RNH1: variants seen among roughly 807,000 people sequenced by gnomAD.
The protein encoded by RNH1 is ribonuclease inhibitor.
Under a neutral mutation model 46.1 loss-of-function variants are expected in RNH1, and 38 were observed. That is an observed-to-expected ratio of 0.82 (90% CI 0.64 to 1.08). The LOEUF (loss-of-function observed/expected upper bound fraction) is 1.08, where lower values mean the gene tolerates loss of function less well. RNH1 is among the 50% of genes least tolerant of loss of function. The pLI, the probability that RNH1 is intolerant of heterozygous loss-of-function variation, is 0.00. For missense variants in RNH1, 577 were observed against 590.7 expected (o/e 0.98, Z 0.24); for synonymous variants, 319 against 279.1 (o/e 1.14, Z -1.43).
intron 9 of RNH1, among the ~76,000 whole-genome samples, chr11:496,084 C>T (rs1049872976): frequency 6.6e-6 from 1 of 151,956 alleles, no homozygotes; most frequent in Non-Finnish European, 1.5e-5. Flanking sequence ...AAAAAAGAAA[C>T]ATAAGAAAGG....
rs1345830312 is a variant in RNH1, at chr11:502,039, G to A, written c.101+23C>T. 1 of 1,592,184 alleles carries A rather than the reference G, an allele frequency of 6.3e-7. No individual in the cohort carries two copies. The highest frequency in any genetic ancestry group is 8.6e-7 in the Non-Finnish European group (1 of 1,167,506). ...CCAGCCTGCCCCACCAGCACCCCAA[G>A]GCCACCCCGAGAGCAAGCGTACCTG... On this transcript the variant is annotated intron_variant, in intron 3 of 10. Coordinates refer to ENST00000354420, the MANE Select transcript of RNH1 (RefSeq NM_203387.3). This position sits in a 1 kb window ranked among gnomAD's most constrained non-coding sequence, Gnocchi z 5.8.
chr11:495,394 C>G (rs1383919188), intron 9 of RNH1, among the ~76,000 whole-genome samples: 2 of 152,174 alleles, frequency 1.3e-5, no homozygotes, highest in African/African-American at 4.8e-5. Flanking sequence ...AAAGGAGAAG[C>G]CAGCCAGAGA....
intron 4 of RNH1, 199 bp from the exon 5 acceptor site, chr11:500,198 G>C (rs992368187): frequency 2.9e-6 from 2 of 688,092 alleles, no homozygotes; most frequent in Non-Finnish European, 4.8e-6. Context: ...GGGAAACCTT[G>C]TCTGCAGACA....
chr11:499,248 G>C (rs900738914), intron 5 of RNH1, 63 bp from the exon 6 acceptor site: 1 of 1,568,286 alleles, frequency 6.4e-7, no homozygotes, highest in East Asian at 2.2e-5. Flanking sequence ...GTGATACCAG[G>C]GAGCACGGGG....
chr11:498,589 T>C lies in RNH1; in HGVS notation c.824A>G (p.Asp275Gly). The C allele has an allele frequency of 1.9e-6, 3 of 1,612,722 alleles. No individual in the cohort carries two copies. Among genetic ancestry groups the C allele is most frequent in the Non-Finnish European group, 2.5e-6 (3 of 1,179,964 alleles). ...ECGITAKGCGDLCRVLRAKES... is the reference protein window; with the variant it reads ...ECGITAKGCGGLCRVLRAKES... Reference sequence around the variant, plus strand: ...CTTGGCCCTGAGGACACGGCACAGATCCCCGCAGCCCTTGGCAGTGATGCC... The same window carrying C: ...CTTGGCCCTGAGGACACGGCACAGACCCCCGCAGCCCTTGGCAGTGATGCC... The change falls in exon 8 of 11, where the codon GAT becomes GGT. Residue 275 changes from aspartate to glycine, a missense_variant. Physicochemically the swap from Asp to Gly is moderately conservative, Grantham distance 94. Coordinates refer to ENST00000354420, the MANE Select transcript of RNH1 (RefSeq NM_203387.3).
At position 502,856 on chromosome 11, in the gene RNH1, G is replaced by A. The variant is rs1216575462; in HGVS notation, c.-87-607C>T. The A allele has an allele frequency of 6.5e-6, 1 of 152,704 alleles. No individual in the cohort carries two copies. Among genetic ancestry groups the A allele is most frequent in the Non-Finnish European group, 1.5e-5 (1 of 68,412 alleles). 9.5% of individuals were successfully genotyped at this position (152,704 alleles called of 1,614,324 possible). Reference sequence around the variant, plus strand: ...CCACGGCACACTAGCCCAGAGGCTGGGCTACCAGGCAAGCTGGGTGGGTCA... The same window carrying A: ...CCACGGCACACTAGCCCAGAGGCTGAGCTACCAGGCAAGCTGGGTGGGTCA... On this transcript the variant is annotated intron_variant, in intron 2 of 10. Coordinates refer to ENST00000354420, the MANE Select transcript of RNH1 (RefSeq NM_203387.3). The surrounding 1 kb of genome is among the most constrained non-coding windows in gnomAD (Gnocchi z 5.8).
At chr11:496,716 C>G (rs1424691700) in intron 9 of RNH1, among the ~76,000 whole-genome samples, 1 of 152,234 alleles carries the variant, frequency 6.6e-6, no homozygotes, top group Non-Finnish European at 1.5e-5. Context: ...GCATGCTATA[C>G]CCGGCTAAAT....
rs1303670322 is a variant in RNH1, at chr11:500,244, G to T, written c.272+240C>A. 9.0e-6 allele frequency: 6 copies of T among 666,448 alleles called. No individual in the cohort carries two copies. In the South Asian group the frequency reaches 9.7e-5, roughly 11 times the overall value. The allele number at this position is 666,448 out of a possible 1,614,324, so 41.3% of individuals were successfully genotyped here. ...TGGGGGTCTGTGGTGATGCTGGAAG[G>T]CTAGGGATGGCGGGCAGGGCCAGAT... On this transcript the variant is annotated intron_variant, in intron 4 of 10. Transcript: ENST00000354420.
In RNH1 at chr11:497,841, C is replaced by A. The variant is rs1298627933; in HGVS notation, c.1127+130G>T. 2.6e-6 allele frequency: 3 copies of A among 1,153,600 alleles called. No individual in the cohort carries two copies. The African/African-American group carries it at 4.6e-5, about 18-fold the overall frequency. 71.5% of individuals were successfully genotyped at this position (1,153,600 alleles called of 1,614,324 possible). ...TGCTCACACACGTGCTCACACTCGC[C>A]TCACCCATGTGTGCTCACATACACA... On this transcript the variant is annotated intron_variant, in intron 9 of 10. Coordinates refer to ENST00000354420, the MANE Select transcript of RNH1 (RefSeq NM_203387.3).
rs768709333 is a variant in RNH1, at chr11:498,464, A to T, written c.949T>A (p.Ser317Thr). Reference protein sequence around the residue: ...TLLEPGCQLESLWVKSCSFTA... With the variant: ...TLLEPGCQLETLWVKSCSFTA... ...CCCGACAGCCACACTCACCACAGCG[A>T]CTCCAGCTGGCAGCCAGGTTCCAGC... Residue 317 changes from serine to threonine, a missense_variant, in exon 8 of 11, where the codon TCG becomes ACG. Physicochemically the swap from Ser to Thr is moderately conservative, Grantham distance 58 (BLOSUM62 1). Coordinates refer to ENST00000354420, the MANE Select transcript of RNH1 (RefSeq NM_203387.3). 2.5e-6 allele frequency: 4 copies of T among 1,612,166 alleles called. No homozygotes were observed. The South Asian group carries it at 4.4e-5, about 18-fold the overall frequency.
rs1238299934 is a variant in RNH1 at position 498,437 on chromosome 11, G to C, written c.956+20C>G. The C allele has an allele frequency of 5.0e-6, 8 of 1,609,864 alleles. No homozygotes were observed. The South Asian group carries it at 8.8e-5, about 18-fold the overall frequency. ...GCCCTCTCTTGGGCGACAGGGCCCTGCCCCGACAGCCACACTCACCACAGC... is the reference window on the plus strand; with the variant it reads ...GCCCTCTCTTGGGCGACAGGGCCCTCCCCCGACAGCCACACTCACCACAGC... On this transcript the variant is annotated intron_variant, in intron 8 of 10. Coordinates refer to ENST00000354420, the MANE Select transcript of RNH1 (RefSeq NM_203387.3).
chr11:503,458 TG>T (rs2133920709), intron 2 of RNH1: 1 of 152,474 alleles, frequency 6.6e-6, no homozygotes, highest in Admixed American at 6.5e-5. Context: ...TCCACACGCC[TG>T]GGCGCCCGGC....
At chr11:497,739 C>G (rs112617325) in intron 9 of RNH1, among the ~76,000 whole-genome samples, 3 of 148,414 alleles carry the variant, frequency 2.0e-5, no homozygotes, top group African/African-American at 4.9e-5. Context: ...ACACACGGAC[C>G]CTCGTGCTCA....
At position 496,808 on chromosome 11, in the gene RNH1, G is replaced by A. The variant is rs77962084; in HGVS notation, c.1127+1163C>T. 1.4e-3 allele frequency among the ~76,000 whole-genome samples: 220 copies of A among 152,378 alleles called. 3 individuals carry two copies. The highest frequency in any genetic ancestry group is 5.1e-3 in the African/African-American group (214 of 41,594). On this transcript the variant is annotated intron_variant, in intron 9 of 10. Coordinates refer to ENST00000354420, the MANE Select transcript of RNH1 (RefSeq NM_203387.3). ...TTCTTAGAAAGCTGCAAAAGAACGT[G>A]CTTTAACAAAGAAAACAAATCTGGA... is the stretch of plus-strand genomic sequence containing the variant.
Position 502,215 on chromosome 11 carries a change from G to A in RNH1, c.-53C>T, listed in dbSNP as rs1849811326. 1 of 1,421,446 alleles carries A rather than the reference G, an allele frequency of 7.0e-7. No homozygotes were observed. The highest frequency in any genetic ancestry group is 1.7e-4 in the Middle Eastern group (1 of 5,720). The allele number at this position is 1,421,446 out of a possible 1,614,324, so 88.1% of individuals were successfully genotyped here. A position where few individuals can be genotyped will look rare whatever the true frequency, so the allele number is the denominator to read the frequency against. On this transcript the variant is annotated 5_prime_UTR_variant, in exon 3 of 11. Transcript: ENST00000354420. The surrounding 1 kb of genome is among the most constrained non-coding windows in gnomAD (Gnocchi z 5.8). ...GAGGCAGAGGGAAGAGGACGTCTTG[G>A]CCGAATCCCCTCACAGTTTCACAGG... is the stretch of plus-strand genomic sequence containing the variant.
rs779524795 is a variant in RNH1 at position 494,763 on chromosome 11, G to A, written c.1314C>T (p.Tyr438=). 2.4e-5 allele frequency: 38 copies of A among 1,614,000 alleles called. No homozygotes were observed. Among genetic ancestry groups the A allele is most frequent in the Non-Finnish European group, 1.4e-5 (17 of 1,179,998 alleles). ...GCCGGTCCTCCATCTCCTCAGACCA[G>A]TAAATGTCGTACAGGCTGCACACAG... The part of the protein sequence containing the change: ...LLEQLVLYDI[Y]WSEEMEDRLQ... The change falls in exon 11 of 11, where the codon TAC becomes TAT. Residue 438 remains tyrosine (Y), a synonymous_variant. Transcript: ENST00000354420.
chr11:504,017 G>A (rs1029190619), intron 2 of RNH1, among the ~76,000 whole-genome samples: 2 of 152,248 alleles, frequency 1.3e-5, no homozygotes, highest in Admixed American at 1.3e-4. Context: ...CCAGCTGGCA[G>A]CCTGCTTTGG....
intron 9 of RNH1, among the ~76,000 whole-genome samples, chr11:496,002 C>A (rs1033967722): frequency 6.6e-6 from 1 of 151,888 alleles, no homozygotes; most frequent in Non-Finnish European, 1.5e-5. Context: ...AACAAAACAT[C>A]GAAAAGAAAA....
chr11:502,348 G>A lies in RNH1; in HGVS notation c.-87-99C>T, dbSNP rs1849824339. ...AGCACCCTCCCCACCTTTGTCTCTG[G>A]AGCAGACATCAGGGGTGGGGCAGGG... On this transcript the variant is annotated intron_variant, in intron 2 of 10. Coordinates refer to ENST00000354420, the MANE Select transcript of RNH1 (RefSeq NM_203387.3). The surrounding 1 kb of genome is among the most constrained non-coding windows in gnomAD (Gnocchi z 5.8). 3.2e-6 allele frequency: 2 copies of A among 622,562 alleles called. No individual in the cohort carries two copies. Among genetic ancestry groups the A allele is most frequent in the Non-Finnish European group, 5.8e-6 (2 of 345,284 alleles). The allele number at this position is 622,562 out of a possible 1,614,324, so 38.6% of individuals were successfully genotyped here.
Sources: allele counts gnomAD v4.1 joint callset (sites outside exome capture counted in the v4.1 genomes callset), GRCh38; gene constraint gnomAD v4.1.1; non-coding constraint Gnocchi (gnomAD v3.1); transcripts MANE v1.5; gene names NCBI Gene and HGNC (gene_info 2026-07-23, HGNC 2026-07-21).